The following TMEM108 variants were observed in gnomAD, a reference collection of about 807,000 sequenced individuals.
TMEM108 encodes the protein transmembrane protein 108.
TMEM108 carries 12 observed loss-of-function variants against 35.1 expected under a neutral mutation model. That is an observed-to-expected ratio of 0.34 (90% CI 0.22 to 0.55). The LOEUF is 0.55. Ranked by LOEUF, TMEM108 falls within the 20% of genes least tolerant of loss-of-function variation. The pLI is 0.89. For missense variants in TMEM108, 680 were observed against 753.3 expected (o/e 0.90, Z 1.14); for synonymous variants, 287 against 308.6 (o/e 0.93, Z 0.73).
intron 3 of TMEM108, among the ~76,000 whole-genome samples, chr3:133,368,181 A>T (rs1252816855): frequency 1.0e-5 from 1 of 95,632 alleles, no homozygotes; most frequent in Non-Finnish European, 2.3e-5. Context: ...CACTGGGTTT[A>T]TAGGAGCCAC....
chr3:133,133,545 A>G (rs918985192), intron 2 of TMEM108, among the ~76,000 whole-genome samples: 5 of 152,148 alleles, frequency 3.3e-5, no homozygotes, highest in African/African-American at 1.2e-4. Context: ...TGGACCTGCA[A>G]CATCCCTGTG....
At chr3:133,216,710 T>G (rs1945914402) in intron 2 of TMEM108, among the ~76,000 whole-genome samples, 1 of 152,010 alleles carries the variant, frequency 6.6e-6, no homozygotes, top group African/African-American at 2.4e-5. Flanking sequence ...TGTGCTGGGC[T>G]TATTTCACTT....
chr3:133,215,892 A>G (rs1272859968), intron 2 of TMEM108, among the ~76,000 whole-genome samples: 1 of 152,098 alleles, frequency 6.6e-6, no homozygotes, highest in Non-Finnish European at 1.5e-5. Context: ...CAGTATCTCA[A>G]CATTTGTTAA....
At chr3:133,344,041 A>G (rs2071742752) in intron 3 of TMEM108, among the ~76,000 whole-genome samples, 1 of 151,874 alleles carries the variant, frequency 6.6e-6, no homozygotes, top group South Asian at 2.1e-4. Flanking sequence ...CTTCCATGAA[A>G]CCAGTCCCTG....
chr3:133,329,875 AGT>A (rs2071374216), intron 3 of TMEM108, among the ~76,000 whole-genome samples: 1 of 152,148 alleles, frequency 6.6e-6, no homozygotes, highest in Non-Finnish European at 1.5e-5. Context: ...GTTATAGGAT[AGT>A]GTGTGGTTAT....
intron 2 of TMEM108, among the ~76,000 whole-genome samples, chr3:133,152,274 T>C (rs2059907584): frequency 1.3e-5 from 2 of 152,230 alleles, no homozygotes; most frequent in Admixed American, 1.3e-4. Context: ...CTGCTGGGAA[T>C]TCACGTTACT....
intron 2 of TMEM108, among the ~76,000 whole-genome samples, chr3:133,055,739 C>T (rs1209770127): frequency 6.6e-6 from 1 of 152,224 alleles, no homozygotes; most frequent in Non-Finnish European, 1.5e-5. Flanking sequence ...GCCATGTCCT[C>T]AAACATGACC....
intron 4 of TMEM108, among the ~76,000 whole-genome samples, chr3:133,386,079 G>A (rs2073141233): frequency 6.6e-6 from 1 of 152,224 alleles, no homozygotes; most frequent in South Asian, 2.1e-4. Flanking sequence ...CTGCCAGCCA[G>A]TGGGAGTCCT....
chr3:133,342,543 G>GTATATATATATATATATATATAT (rs2071687866), intron 3 of TMEM108, among the ~76,000 whole-genome samples: 1 of 16,234 alleles, frequency 6.2e-5, no homozygotes, highest in East Asian at 1.1e-3. Context: ...AAGAAAATGT[G>GTATATATATATATATATATATAT]GTATATATAT....
chr3:133,249,435 TA>T (rs1946434239), intron 3 of TMEM108, among the ~76,000 whole-genome samples: 1 of 152,196 alleles, frequency 6.6e-6, no homozygotes, highest in Admixed American at 6.5e-5. Flanking sequence ...ATGACAGATG[TA>T]AACCGATGTT....
intron 2 of TMEM108, among the ~76,000 whole-genome samples, chr3:133,058,341 A>T (rs1418697166): frequency 1.3e-5 from 2 of 152,322 alleles, no homozygotes; most frequent in South Asian, 4.1e-4. Flanking sequence ...GGGCCTAGGA[A>T]GGATTGACAG....
intron 2 of TMEM108, among the ~76,000 whole-genome samples, chr3:133,150,331 C>G (rs939017368): frequency 1.8e-4 from 20 of 108,150 alleles, no homozygotes; most frequent in African/African-American, 7.7e-4. Context: ...TTAAAAAAAT[C>G]AGGTTATTTG....
At chr3:133,114,883 A>G (rs962000854) in intron 2 of TMEM108, among the ~76,000 whole-genome samples, 1 of 152,130 alleles carries the variant, frequency 6.6e-6, no homozygotes, top group African/African-American at 2.4e-5. Flanking sequence ...TGGGAAAAAC[A>G]CCCCAGAAAA....
At chr3:133,204,938 G>A (rs1289771646) in intron 2 of TMEM108, among the ~76,000 whole-genome samples, 1 of 152,180 alleles carries the variant, frequency 6.6e-6, no homozygotes, top group Non-Finnish European at 1.5e-5. Flanking sequence ...GGGAGTCTAA[G>A]TCTCTTTGTA....
At position 133,092,777 on chromosome 3, in the gene TMEM108, A is replaced by G. The variant is rs1452134665; in HGVS notation, c.-47+46757A>G. Among the ~76,000 whole-genome samples the G allele has an allele frequency of 2.0e-5, 3 of 152,132 alleles. No homozygotes were observed. The East Asian group carries it at 5.8e-4, about 29-fold the overall frequency. On this transcript the variant is annotated intron_variant, in intron 2 of 5. Coordinates refer to ENST00000321871, the MANE Select transcript of TMEM108 (RefSeq NM_023943.4). ...CCATAGCTTCTAATTCATTGTATTCAGTGTTCCTTGAAGCTATATTTATAT... is the reference window on the plus strand; with the variant it reads ...CCATAGCTTCTAATTCATTGTATTCGGTGTTCCTTGAAGCTATATTTATAT...
At chr3:133,180,092 T>C (rs1278470858) in intron 2 of TMEM108, among the ~76,000 whole-genome samples, 1 of 152,170 alleles carries the variant, frequency 6.6e-6, no homozygotes, top group Non-Finnish European at 1.5e-5. Context: ...TATTTCAAGT[T>C]TATCACTAGT....
intron 3 of TMEM108, among the ~76,000 whole-genome samples, chr3:133,318,733 G>C (rs7628868): frequency 0.012 from 1,903 of 152,264 alleles, 41 homozygotes; most frequent in African/African-American, 0.042. Context: ...TTACTTAAGA[G>C]GGGGAGTTCT....
At chr3:133,358,863 G>A (rs1469494122) in intron 3 of TMEM108, among the ~76,000 whole-genome samples, 2 of 152,106 alleles carry the variant, frequency 1.3e-5, no homozygotes, top group Non-Finnish European at 2.9e-5. Context: ...GGATATGGGA[G>A]CATGTAGGGA....
chr3:133,081,388 G>A (rs1014690564), intron 2 of TMEM108, among the ~76,000 whole-genome samples: 3 of 152,138 alleles, frequency 2.0e-5, no homozygotes, highest in Non-Finnish European at 4.4e-5. Flanking sequence ...TCTTATAAAG[G>A]CACTAATCTC....
Sources: allele counts gnomAD v4.1 joint callset (sites outside exome capture counted in the v4.1 genomes callset), GRCh38; gene constraint gnomAD v4.1.1; transcripts MANE v1.5; gene names NCBI Gene and HGNC (gene_info 2026-07-23, HGNC 2026-07-21).